LRIG1: variants seen among roughly 807,000 people sequenced by gnomAD.
The protein encoded by LRIG1 is leucine-rich repeats and immunoglobulin-like domains protein 1.
LRIG1 carries 48 observed loss-of-function variants against 99.2 expected under a neutral mutation model. The observed-to-expected ratio is 0.48, with a 90% CI of 0.38 to 0.62. The LOEUF (loss-of-function observed/expected upper bound fraction) is 0.62, where lower values mean the gene tolerates loss of function less well. LRIG1 is among the 20% of genes least tolerant of loss of function. The pLI is 0.00. For synonymous variants in LRIG1, 772 were observed against 596.1 expected, an observed-to-expected ratio of 1.29 and a Z score of -4.30; for missense variants, 1,646 against 1,434.4, an observed-to-expected ratio of 1.15 and a Z score of -2.38.
intron 3 of LRIG1, among the ~76,000 whole-genome samples, chr3:66,446,487 C>A (rs1355655101): frequency 6.7e-6 from 1 of 149,818 alleles, no homozygotes; most frequent in Non-Finnish European, 1.5e-5. Flanking sequence ...CTCACTGCAA[C>A]CTCCGCCTCC....
intron 8 of LRIG1, 123 bp from the exon 9 acceptor site, chr3:66,405,401 G>A (rs1458741608): frequency 1.6e-5 from 12 of 756,012 alleles, no homozygotes; most frequent in African/African-American, 5.2e-5. Context: ...AGGCACAGCC[G>A]GGACGTAGGG....
intron 1 of LRIG1, among the ~76,000 whole-genome samples, chr3:66,486,024 C>G (rs1348153061): frequency 6.6e-6 from 1 of 152,162 alleles, no homozygotes; most frequent in Non-Finnish European, 1.5e-5. Flanking sequence ...TTCTAACTGG[C>G]AAGTGCTAGA....
intron 12 of LRIG1, among the ~76,000 whole-genome samples, chr3:66,392,900 T>C (rs1477769867): frequency 1.3e-5 from 2 of 152,206 alleles, no homozygotes; most frequent in African/African-American, 4.8e-5. Context: ...TGTGCGAGCA[T>C]TAGATTCCAC....
intron 5 of LRIG1, 112 bp from the exon 6 acceptor site, chr3:66,413,126 G>C (rs1702522221): frequency 1.6e-6 from 2 of 1,226,748 alleles, no homozygotes; most frequent in Middle Eastern, 1.9e-4. Context: ...TCCCAGTGCA[G>C]GGATCCCTGG....
At chr3:66,404,443 T>C in intron 9 of LRIG1, 1 of 1,153,734 alleles carries the variant, frequency 8.7e-7, no homozygotes. Context: ...GGTCCTTGGG[T>C]GGCATCTGCA....
chr3:66,418,450 T>C (rs1480064773), intron 3 of LRIG1, among the ~76,000 whole-genome samples: 31 of 152,192 alleles, frequency 2.0e-4, no homozygotes, highest in Admixed American at 2.0e-3. Flanking sequence ...GCAACAGTTA[T>C]AAGTCAAGAG....
At chr3:66,490,583 T>C (rs572717752) in intron 1 of LRIG1, among the ~76,000 whole-genome samples, 2 of 152,252 alleles carry the variant, frequency 1.3e-5, no homozygotes, top group Non-Finnish European at 2.9e-5. Context: ...GTTCTCCTAA[T>C]TTGCAGAACA....
chr3:66,396,874 G>A (rs1446117996), intron 11 of LRIG1, among the ~76,000 whole-genome samples: 1 of 152,124 alleles, frequency 6.6e-6, no homozygotes, highest in Non-Finnish European at 1.5e-5. Flanking sequence ...GCTTTACTGC[G>A]AGTCCACCTC....
At chr3:66,415,765 C>T (rs574431895) in intron 4 of LRIG1, among the ~76,000 whole-genome samples, 6 of 152,166 alleles carry the variant, frequency 3.9e-5, no homozygotes, top group Non-Finnish European at 5.9e-5. Flanking sequence ...GTGCATCTTG[C>T]TGTATGCAAA....
At chr3:66,469,447 T>C (rs752091936) in intron 1 of LRIG1, among the ~76,000 whole-genome samples, 2 of 152,208 alleles carry the variant, frequency 1.3e-5, no homozygotes, top group Non-Finnish European at 2.9e-5. Context: ...TCATTGCCTA[T>C]TTTTACTCCT....
chr3:66,425,665 C>G (rs553294093), intron 3 of LRIG1, among the ~76,000 whole-genome samples: 1 of 152,206 alleles, frequency 6.6e-6, no homozygotes. Context: ...CCTTTCTCTG[C>G]AACCAGACAA....
intron 13 of LRIG1, 150 bp from the exon 14 acceptor site, chr3:66,384,422 G>C (rs1305846748): frequency 6.1e-6 from 5 of 820,858 alleles, no homozygotes. Context: ...TGCCACCTGT[G>C]AATCAGGAAC....
At chr3:66,406,679 A>G (rs769598941) in intron 8 of LRIG1, among the ~76,000 whole-genome samples, 34 of 152,158 alleles carry the variant, frequency 2.2e-4, no homozygotes, top group Admixed American at 8.5e-4. Context: ...TATGAAGCCA[A>G]CCATGGAAAA....
intron 9 of LRIG1, chr3:66,404,159 G>C (rs1702174447): frequency 4.3e-6 from 4 of 929,048 alleles, no homozygotes; most frequent in African/African-American, 1.7e-5. Flanking sequence ...CAGGACCCTT[G>C]TATATAAAAG....
chr3:66,426,415 T>C (rs775040595), intron 3 of LRIG1, among the ~76,000 whole-genome samples: 15 of 152,258 alleles, frequency 9.9e-5, no homozygotes, highest in Non-Finnish European at 2.2e-4. Context: ...TTTGTGTTTC[T>C]TGGGGTGCAG....
chr3:66,475,479 C>T (rs1347629629), intron 1 of LRIG1, among the ~76,000 whole-genome samples: 1 of 152,168 alleles, frequency 6.6e-6, no homozygotes, highest in African/African-American at 2.4e-5. Context: ...TCTCCCCAAA[C>T]TGGCTTTCCT....
chr3:66,459,657 T>C (rs1180565748), intron 2 of LRIG1, among the ~76,000 whole-genome samples: 3 of 152,256 alleles, frequency 2.0e-5, no homozygotes, highest in African/African-American at 7.2e-5. Context: ...GTTTCCTTAT[T>C]CAGTCCATGG....
At chr3:66,451,982 C>T (rs1203850759) in intron 2 of LRIG1, among the ~76,000 whole-genome samples, 1 of 152,186 alleles carries the variant, frequency 6.6e-6, no homozygotes, top group East Asian at 1.9e-4. Context: ...TCGGTGAGAA[C>T]ACTCCCCGTG....
At chr3:66,445,986 A>G in intron 3 of LRIG1, among the ~76,000 whole-genome samples, 1 of 152,088 alleles carries the variant, frequency 6.6e-6, no homozygotes, top group East Asian at 1.9e-4. Flanking sequence ...AGGGACTCTC[A>G]TTATTCCCCC....
Sources: gnomAD v4.1 joint callset for allele counts (sites outside exome capture counted in the v4.1 genomes callset) on GRCh38, gnomAD v4.1.1 for gene constraint, MANE v1.5 for transcripts, NCBI Gene and HGNC (gene_info 2026-07-23, HGNC 2026-07-21) for gene names.